The following SORCS1 variants were observed in gnomAD, a reference collection of about 807,000 sequenced individuals.
SORCS1 encodes the protein VPS10 domain-containing receptor SorCS1.
SORCS1 carries 60 observed loss-of-function variants against 146.1 expected under a neutral mutation model. The ratio of observed to expected loss-of-function variants is 0.41; its 90% confidence interval spans 0.33 to 0.51. The LOEUF is 0.51. SORCS1 is among the 20% of genes least tolerant of loss of function. The probability of loss-of-function intolerance (pLI) is 0.21; values close to 1 mark genes in which losing one functional copy is unlikely to be tolerated. For missense variants in SORCS1, 1,352 were observed against 1,487.6 expected (o/e 0.91, Z 1.50); for synonymous variants, 637 against 584.0 (o/e 1.09, Z -1.31).
intron 24 of SORCS1, among the ~76,000 whole-genome samples, chr10:106,585,223 CAAA>C (rs202057062): frequency 8.9e-6 from 1 of 112,240 alleles, no homozygotes. Context: ...GACTCTGTCT[CAAA>C]AAAAAAAAAA....
At chr10:106,921,784 C>T (rs1446588969) in intron 2 of SORCS1, among the ~76,000 whole-genome samples, 6 of 152,272 alleles carry the variant, frequency 3.9e-5, no homozygotes, top group African/African-American at 1.4e-4. Context: ...AAAGGCAAAA[C>T]CAGGTAAGCA....
intron 2 of SORCS1, among the ~76,000 whole-genome samples, chr10:106,922,267 GA>G (rs1290349068): frequency 6.6e-6 from 1 of 152,136 alleles, no homozygotes; most frequent in Non-Finnish European, 1.5e-5. Context: ...CACTAACATA[GA>G]ACCTCAACAG....
intron 6 of SORCS1, among the ~76,000 whole-genome samples, chr10:106,724,139 T>C (rs1033884232): frequency 6.6e-6 from 1 of 152,222 alleles, no homozygotes; most frequent in African/African-American, 2.4e-5. Flanking sequence ...AAGTCGCTTA[T>C]ATTGCTAATA....
intron 1 of SORCS1, among the ~76,000 whole-genome samples, chr10:107,073,983 A>G (rs1590073561): frequency 6.6e-6 from 1 of 152,178 alleles, no homozygotes; most frequent in East Asian, 1.9e-4. Context: ...TTCCTCTATT[A>G]TCAATATCTC....
rs1230938418 is a variant in SORCS1, at chr10:106,577,126, T to C, written c.*294A>G. The C allele has an allele frequency of 9.1e-7, 1 of 1,101,702 alleles. No homozygotes were observed. Among genetic ancestry groups the C allele is most frequent in the African/African-American group, 1.6e-5 (1 of 62,162 alleles). 68.2% of individuals were successfully genotyped at this position (1,101,702 alleles called of 1,614,324 possible). A position where few individuals can be genotyped will look rare whatever the true frequency, so the allele number is the denominator to read the frequency against. On this transcript the variant is annotated 3_prime_UTR_variant, in exon 26 of 26. Transcript: ENST00000263054. ...TGTCTGAAGAATTAAAAAGTCCCGA[T>C]GCAGTGAGTGTTTGTTTGTTTGTTT...
At chr10:107,036,087 C>T (rs1173543352) in intron 1 of SORCS1, among the ~76,000 whole-genome samples, 4 of 151,738 alleles carry the variant, frequency 2.6e-5, no homozygotes, top group Non-Finnish European at 4.4e-5. Context: ...ATTAAAAGCC[C>T]ATCTGTATGT....
chr10:106,771,111 T>C lies in SORCS1; in HGVS notation c.885+5423A>G, dbSNP rs17121446. 2.7e-3 allele frequency among the ~76,000 whole-genome samples: 407 copies of C among 152,320 alleles called. 18 individuals are homozygous for C. In the East Asian group the frequency reaches 0.059, roughly 22 times the overall value. On this transcript the variant is annotated intron_variant, in intron 4 of 25. Coordinates refer to ENST00000263054, the MANE Select transcript of SORCS1 (RefSeq NM_052918.5). Reference sequence around the variant, plus strand: ...GGTTTCACAACATGGCACTCTCCCCTTTACAAATCACGTCTCCGTTGCAAA... The same window carrying C: ...GGTTTCACAACATGGCACTCTCCCCCTTACAAATCACGTCTCCGTTGCAAA...
chr10:107,002,659 T>C (rs1460949529), intron 1 of SORCS1, among the ~76,000 whole-genome samples: 1 of 152,222 alleles, frequency 6.6e-6, no homozygotes, highest in Non-Finnish European at 1.5e-5. Flanking sequence ...CAAACTAAGA[T>C]AATTGTGCCT....
intron 4 of SORCS1, among the ~76,000 whole-genome samples, chr10:106,773,345 G>A (rs1860170392): frequency 6.6e-6 from 1 of 152,186 alleles, no homozygotes; most frequent in African/African-American, 2.4e-5. Context: ...ACGACCCATG[G>A]GGGACTGTCA....
chr10:106,885,600 G>T (rs932364230), intron 2 of SORCS1, among the ~76,000 whole-genome samples: 1 of 152,162 alleles, frequency 6.6e-6, no homozygotes, highest in Non-Finnish European at 1.5e-5. Context: ...CTCAGAATAG[G>T]GGAAGCAAGG....
At chr10:106,862,753 GGCT>G (rs972143869) in intron 2 of SORCS1, among the ~76,000 whole-genome samples, 22 of 128,288 alleles carry the variant, frequency 1.7e-4, no homozygotes, top group Non-Finnish European at 2.9e-4. Context: ...AGACCATCCT[GGCT>G]AACACGGTGA....
chr10:107,167,888 G>A (rs946527597), upstream of SORCS1, among the ~76,000 whole-genome samples: 2 of 152,178 alleles, frequency 1.3e-5, no homozygotes, highest in South Asian at 2.1e-4. Context: ...TGAACATTTA[G>A]TCATTGTATA....
At chr10:107,097,161 A>T (rs1266952301) in intron 1 of SORCS1, among the ~76,000 whole-genome samples, 2 of 152,222 alleles carry the variant, frequency 1.3e-5, no homozygotes, top group African/African-American at 4.8e-5. Flanking sequence ...TCAATAAAGG[A>T]ACTGAATAAA....
chr10:107,047,129 C>T (rs1959567892), intron 1 of SORCS1, among the ~76,000 whole-genome samples: 1 of 152,166 alleles, frequency 6.6e-6, no homozygotes. Context: ...GCTGGGATTA[C>T]AGGTGTGCAC....
At chr10:107,025,156 TG>T (rs1239641166) in intron 1 of SORCS1, among the ~76,000 whole-genome samples, 1 of 152,204 alleles carries the variant, frequency 6.6e-6, no homozygotes, top group Non-Finnish European at 1.5e-5. Flanking sequence ...GTCTTATAAA[TG>T]GGTTGCTTAG....
At chr10:106,946,116 T>C (rs1469586116) in intron 2 of SORCS1, among the ~76,000 whole-genome samples, 2 of 152,218 alleles carry the variant, frequency 1.3e-5, no homozygotes, top group African/African-American at 2.4e-5. Flanking sequence ...CTGTATCACC[T>C]ACACATAAGG....
intron 23 of SORCS1, among the ~76,000 whole-genome samples, chr10:106,604,892 C>T (rs187521044): frequency 2.0e-5 from 3 of 152,280 alleles, no homozygotes; most frequent in Admixed American, 6.5e-5. Flanking sequence ...TTTGCTATAT[C>T]ATTTCTTTAA....
rs368183239 is a variant in SORCS1, at chr10:107,162,481, C to A, written c.558+1488G>T. ...GGTAAGGAATGAGGGCAAGGGTCTC[C>A]AGAACTTGAATGGAAAGAATTTCAG... On this transcript the variant is annotated intron_variant, in intron 1 of 25. Coordinates refer to ENST00000263054, the MANE Select transcript of SORCS1 (RefSeq NM_052918.5). Among the ~76,000 whole-genome samples, 11 of 152,224 alleles carry A rather than the reference C, an allele frequency of 7.2e-5. No individual in the cohort carries two copies. In the South Asian group the frequency reaches 2.3e-3, roughly 32 times the overall value.
chr10:106,976,017 G>A (rs568910249), intron 1 of SORCS1, among the ~76,000 whole-genome samples: 8 of 151,468 alleles, frequency 5.3e-5, no homozygotes, highest in East Asian at 2.0e-4. Context: ...CAGTGGTGGC[G>A]CACCTGTAAT....
Sources: gnomAD v4.1 joint callset for allele counts (sites outside exome capture counted in the v4.1 genomes callset) on GRCh38, gnomAD v4.1.1 for gene constraint, MANE v1.5 for transcripts, NCBI Gene and HGNC (gene_info 2026-07-23, HGNC 2026-07-21) for gene names.